ZNF385D: variants seen among roughly 807,000 people sequenced by gnomAD.
The protein encoded by ZNF385D is zinc finger protein 659.
ZNF385D carries 15 observed loss-of-function variants against 35.8 expected under a neutral mutation model. The ratio of observed to expected loss-of-function variants is 0.42; its 90% CI spans 0.28 to 0.64. The LOEUF (loss-of-function observed/expected upper bound fraction) is 0.64. ZNF385D is among the 30% of genes least tolerant of loss of function. The pLI is 0.23. For synonymous variants in ZNF385D, 212 were observed against 186.8 expected (o/e 1.13, Z -1.10); for missense variants, 474 against 494.6 (o/e 0.96, Z 0.39).
At position 21,974,917 on chromosome 3, in the gene ZNF385D, G is replaced by A. The variant is rs539704881; in HGVS notation, c.325+193900C>T. ...GGTTTTGTCCAAAAGACAGACAATAGCAAATGCTGGCAAGGAAGAGGAAAA... is the reference window on the plus strand; with the variant it reads ...GGTTTTGTCCAAAAGACAGACAATAACAAATGCTGGCAAGGAAGAGGAAAA... On this transcript the variant is annotated intron_variant, in intron 3 of 5. Coordinates refer to the ZNF385D transcript ENST00000494108. 3.3e-5 allele frequency among the ~76,000 whole-genome samples: 5 copies of A among 152,150 alleles called. No individual in the cohort carries two copies. In the South Asian group the frequency reaches 1.0e-3, roughly 32 times the overall value.
chr3:22,073,320 AACAG>A, intron 3 of ZNF385D, among the ~76,000 whole-genome samples: 1 of 149,258 alleles, frequency 6.7e-6, no homozygotes, highest in East Asian at 2.0e-4. Context: ...ATGAAAAAGA[AACAG>A]ACAGTGAAAA....
At chr3:21,615,048 G>C (rs116138280) in intron 2 of ZNF385D, among the ~76,000 whole-genome samples, 1,963 of 152,320 alleles carry the variant, frequency 0.013, 47 homozygotes, top group African/African-American at 0.044. Flanking sequence ...TGAAAGATAA[G>C]TGATATGTTT....
chr3:22,213,277 T>C (rs995484663), intron 2 of ZNF385D, among the ~76,000 whole-genome samples: 1 of 133,516 alleles, frequency 7.5e-6, no homozygotes, highest in African/African-American at 2.8e-5. Context: ...ATGCATATTC[T>C]TCTGTTTTTG....
chr3:22,259,744 T>C (rs73821343), intron 2 of ZNF385D, among the ~76,000 whole-genome samples: 2 of 152,006 alleles, frequency 1.3e-5, no homozygotes, highest in African/African-American at 4.8e-5. Context: ...CCTTATATAG[T>C]TGGTACCACT....
chr3:21,484,352 A>C (rs1172878309), intron 4 of ZNF385D, among the ~76,000 whole-genome samples: 1 of 152,140 alleles, frequency 6.6e-6, no homozygotes, highest in Non-Finnish European at 1.5e-5. Context: ...GGGTGTGTTG[A>C]GAGAGGCCAC....
chr3:21,975,275 A>T (rs1311737013), intron 3 of ZNF385D, among the ~76,000 whole-genome samples: 2 of 152,190 alleles, frequency 1.3e-5, no homozygotes, highest in Non-Finnish European at 2.9e-5. Context: ...ATGGAACTGG[A>T]AGATATGTTA....
chr3:21,928,833 C>T (rs1700871002), intron 3 of ZNF385D, among the ~76,000 whole-genome samples: 1 of 152,126 alleles, frequency 6.6e-6, no homozygotes. Flanking sequence ...AGTTGATTTA[C>T]TAATTAAAAT....
intron 3 of ZNF385D, chr3:21,979,663 C>A (rs1576069524): frequency 6.6e-6 from 1 of 152,248 alleles, no homozygotes; most frequent in South Asian, 2.1e-4. Flanking sequence ...AAGACGACTA[C>A]TTTTCAGATA....
chr3:21,842,229 C>T (rs1695726491), intron 3 of ZNF385D, among the ~76,000 whole-genome samples: 1 of 151,782 alleles, frequency 6.6e-6, no homozygotes, highest in Admixed American at 6.6e-5. Flanking sequence ...GCTCTGAATC[C>T]CAGGCTGATA....
intron 3 of ZNF385D, among the ~76,000 whole-genome samples, chr3:22,152,886 T>C (rs140184808): frequency 9.4e-4 from 143 of 152,282 alleles, no homozygotes; most frequent in African/African-American, 2.9e-3. Flanking sequence ...TCTAAACCCA[T>C]TGGCCACACT....
intron 3 of ZNF385D, among the ~76,000 whole-genome samples, chr3:22,020,209 C>G (rs561696381): frequency 6.6e-5 from 10 of 151,828 alleles, no homozygotes; most frequent in South Asian, 2.1e-4. Flanking sequence ...GTGTGGGGTA[C>G]AGAATAATGA....
chr3:22,000,724 C>T (rs1269811013), intron 3 of ZNF385D, among the ~76,000 whole-genome samples: 1 of 150,744 alleles, frequency 6.6e-6, no homozygotes, highest in African/African-American at 2.5e-5. Context: ...CCTTACAGGC[C>T]AGGAGAGAAT....
chr3:21,947,637 AC>A (rs1350844032), intron 3 of ZNF385D, among the ~76,000 whole-genome samples: 3 of 152,176 alleles, frequency 2.0e-5, no homozygotes, highest in Non-Finnish European at 4.4e-5. Flanking sequence ...GGCGTGAGCC[AC>A]CGCGCCCGGC....
chr3:21,951,437 A>G lies in ZNF385D; in HGVS notation c.325+217380T>C, dbSNP rs141593670. On this transcript the variant is annotated intron_variant, in intron 3 of 5. Coordinates refer to the ZNF385D transcript ENST00000494108. ...GCTGAAGCTGCTTATCAGCTTAAGG[A>G]GATTTGGGGCTGAGACGATCGGGTA... Among the ~76,000 whole-genome samples, 960 of 151,720 alleles carry G rather than the reference A, an allele frequency of 6.3e-3. 41 individuals carry two copies. The highest frequency in any genetic ancestry group is 0.022 in the African/African-American group (919 of 41,120).
chr3:21,773,624 A>G (rs1328929099), intron 3 of ZNF385D, among the ~76,000 whole-genome samples: 1 of 152,052 alleles, frequency 6.6e-6, no homozygotes, highest in Non-Finnish European at 1.5e-5. Context: ...ACAAACAGAC[A>G]CTTCTCAAAA....
chr3:21,435,408 C>T (rs142290877), intron 5 of ZNF385D, among the ~76,000 whole-genome samples: 304 of 151,978 alleles, frequency 2.0e-3, no homozygotes, highest in African/African-American at 6.8e-3. Context: ...CAGGCACATG[C>T]CACCATGCCC....
At chr3:21,642,865 C>A (rs2065647007) in intron 2 of ZNF385D, among the ~76,000 whole-genome samples, 1 of 151,954 alleles carries the variant, frequency 6.6e-6, no homozygotes, top group Admixed American at 6.6e-5. Context: ...CTGTATAACT[C>A]CATTTATACC....
intron 3 of ZNF385D, among the ~76,000 whole-genome samples, chr3:21,838,268 T>C (rs188479406): frequency 3.7e-4 from 57 of 152,206 alleles, no homozygotes; most frequent in Non-Finnish European, 6.2e-4. Context: ...TAAAATGCTA[T>C]TGAGAAGCTC....
intron 3 of ZNF385D, among the ~76,000 whole-genome samples, chr3:21,843,770 T>C (rs1695826317): frequency 6.6e-6 from 1 of 151,950 alleles, no homozygotes; most frequent in South Asian, 2.1e-4. Flanking sequence ...GAAAGAGTTA[T>C]TTCAATATGA....
Sources: allele counts gnomAD v4.1 joint callset (sites outside exome capture counted in the v4.1 genomes callset), GRCh38; gene constraint gnomAD v4.1.1; transcripts MANE v1.5; gene names NCBI Gene and HGNC (gene_info 2026-07-23, HGNC 2026-07-21).